ZNF500: variants seen among roughly 807,000 people sequenced by gnomAD.
The protein encoded by ZNF500 is zinc finger protein with KRAB and SCAN domains 18.
In ZNF500, 31 loss-of-function variants were observed where a neutral mutation model predicts 30.1. The observed-to-expected ratio is 1.03, with a 90% CI of 0.77 to 1.39. The LOEUF is 1.39. Ranked by LOEUF, ZNF500 falls within the 40% of genes most tolerant of loss-of-function variation. The probability of loss-of-function intolerance (pLI) is 0.00; values close to 1 mark genes in which losing one functional copy is unlikely to be tolerated. For missense variants in ZNF500, 817 were observed against 657.8 expected, an observed-to-expected ratio of 1.24 and a Z score of -2.65; for synonymous variants, 392 against 282.0, an observed-to-expected ratio of 1.39 and a Z score of -3.91.
At position 4,752,623 on chromosome 16, in the gene ZNF500, T is replaced by C. The variant is rs2082094296; in HGVS notation, c.1196A>G (p.His399Arg). 2 of 1,608,934 alleles carry C rather than the reference T, an allele frequency of 1.2e-6. No homozygotes were observed. The highest frequency in any genetic ancestry group is 1.7e-6 in the Non-Finnish European group (2 of 1,177,792). The change falls in exon 6 of 6, where the codon CAC becomes CGC. Residue 399 changes from histidine to arginine, a missense_variant. His to Arg is a conservative substitution (Grantham distance 29). Coordinates refer to ENST00000219478, the MANE Select transcript of ZNF500 (RefSeq NM_021646.4). Reference sequence around the variant, plus strand: ...CCGCTCCCCGCTGTGTGTCCTGCGGTGGATGACCAGGCTGGAGCTCTGGCT... The same window carrying C: ...CCGCTCCCCGCTGTGTGTCCTGCGGCGGATGACCAGGCTGGAGCTCTGGCT... ...RFSQSSSLVIHRRTHSGERPY... is the reference protein window; with the variant it reads ...RFSQSSSLVIRRRTHSGERPY...
chr16:4,746,725 T>C (rs1422489305), downstream of ZNF500: 4 of 788,248 alleles, frequency 5.1e-6, no homozygotes, highest in African/African-American at 1.8e-5. Context: ...CTGGGCTCTA[T>C]GCAATAGAGC....
rs2142219030 is a variant in ZNF500 at position 4,749,176 on chromosome 16, T to C, written c.*3200A>G. On this transcript the variant is annotated 3_prime_UTR_variant, in exon 6 of 6. Transcript: ENST00000219478. ...TCTCCCACCTACAGAGACCCTCCCC[T>C]GCCCCCTCCACTCCGGGGCCTGTGC... The C allele has an allele frequency of 6.5e-6, 1 of 154,486 alleles. No homozygotes were observed. 9.6% of individuals were successfully genotyped at this position (154,486 alleles called of 1,614,324 possible). A position where few individuals can be genotyped will look rare whatever the true frequency, so the allele number is the denominator to read the frequency against.
At chr16:4,761,526 CAT>C (rs1319023517) in intron 4 of ZNF500, among the ~76,000 whole-genome samples, 27 of 82,846 alleles carry the variant, frequency 3.3e-4, no homozygotes, top group East Asian at 1.7e-3. Context: ...CACACACACA[CAT>C]ATAAAAATTA....
In ZNF500 at chr16:4,751,323, C is replaced by G; in HGVS notation, c.*1053G>C. On this transcript the variant is annotated 3_prime_UTR_variant, in exon 6 of 6. Transcript: ENST00000219478. ...CCTTAGAAAGACAAAGTGGGGCAACCGTGGAAGGCCACATTCCAGACACTA... is the reference window on the plus strand; with the variant it reads ...CCTTAGAAAGACAAAGTGGGGCAACGGTGGAAGGCCACATTCCAGACACTA... 2 of 467,374 alleles carry G rather than the reference C, an allele frequency of 4.3e-6. No homozygotes were observed. Among genetic ancestry groups the G allele is most frequent in the South Asian group, 5.4e-5 (2 of 37,366 alleles). The allele number at this position is 467,374 out of a possible 1,614,324, so 29.0% of individuals were successfully genotyped here.
Position 4,751,924 on chromosome 16 carries a change from G to C in ZNF500, c.*452C>G. ...CCCCGTCTCAAAAAAAAAAGGGGGG[G>C]GGAGCAGGTGGGGGGTACACACAGA... On this transcript the variant is annotated 3_prime_UTR_variant, in exon 6 of 6. Coordinates refer to ENST00000219478, the MANE Select transcript of ZNF500 (RefSeq NM_021646.4). 2.9e-6 allele frequency: 1 copy of C among 342,108 alleles called. No homozygotes were observed. The allele number at this position is 342,108 out of a possible 1,614,324, so 21.2% of individuals were successfully genotyped here.
At position 4,762,431 on chromosome 16, in the gene ZNF500, C is replaced by T; in HGVS notation, c.599-96G>A. 7.2e-6 allele frequency: 11 copies of T among 1,522,316 alleles called. No homozygotes were observed. The Admixed American group carries it at 1.8e-4, about 25-fold the overall frequency. The allele number at this position is 1,522,316 out of a possible 1,614,324, so 94.3% of individuals were successfully genotyped here. Reference sequence around the variant, plus strand: ...AAGGCCCCAACAGCCCGGCGGCTGCCCACCCAAGATCCACTCCTTGCTGGA... The same window carrying T: ...AAGGCCCCAACAGCCCGGCGGCTGCTCACCCAAGATCCACTCCTTGCTGGA... On this transcript the variant is annotated intron_variant, in intron 3 of 5. Coordinates refer to ENST00000219478, the MANE Select transcript of ZNF500 (RefSeq NM_021646.4).
At chr16:4,763,914 C>G in intron 2 of ZNF500, 1 of 985,446 alleles carries the variant, frequency 1.0e-6, no homozygotes, top group Non-Finnish European at 1.2e-6. Flanking sequence ...AGCACTGCCA[C>G]AGGAAGAAAG....
At chr16:4,753,453 C>T (rs966652568) in intron 5 of ZNF500, among the ~76,000 whole-genome samples, 13 of 152,290 alleles carry the variant, frequency 8.5e-5, no homozygotes, top group African/African-American at 2.9e-4. Flanking sequence ...CGGCATGAGA[C>T]CCTGTTTCAA....
In ZNF500 at chr16:4,764,138, G is replaced by C. The variant is rs79126145; in HGVS notation, c.415-1382C>G. The C allele has an allele frequency of 1.8e-3, 1,736 of 975,298 alleles. 25 individuals carry two copies. In the African/African-American group the frequency reaches 0.028, roughly 16 times the overall value. The allele number at this position is 975,298 out of a possible 1,614,324, so 60.4% of individuals were successfully genotyped here. A position where few individuals can be genotyped will look rare whatever the true frequency, so the allele number is the denominator to read the frequency against. ...ATAGAGATTTCGGTGTGTCAGAAGG[G>C]TCCTGTCTGTGCCATCCAGTACAGT... On this transcript the variant is annotated intron_variant, in intron 2 of 5. Transcript: ENST00000219478.
At chr16:4,745,536 T>C (rs1009881829), downstream of ZNF500, among the ~76,000 whole-genome samples, 1 of 152,200 alleles carries the variant, frequency 6.6e-6, no homozygotes, top group Admixed American at 6.5e-5. Flanking sequence ...GGCCCCTCTA[T>C]ATGCCTGCCC....
chr16:4,751,707 C>T lies in ZNF500; in HGVS notation c.*669G>A. ...ATGATATAATTAGTTAAGATGAGGT[C>T]ACAGTGTATTGGGGGACCCTAAACC... On this transcript the variant is annotated 3_prime_UTR_variant, in exon 6 of 6. Transcript: ENST00000219478. 6.8e-7 allele frequency: 1 copy of T among 1,466,020 alleles called. No individual in the cohort carries two copies. The highest frequency in any genetic ancestry group is 1.8e-4 in the Middle Eastern group (1 of 5,410). 90.8% of individuals were successfully genotyped at this position (1,466,020 alleles called of 1,614,324 possible). A position where few individuals can be genotyped will look rare whatever the true frequency, so the allele number is the denominator to read the frequency against.
At chr16:4,754,418 G>A (rs559952197) in intron 5 of ZNF500, among the ~76,000 whole-genome samples, 4 of 152,202 alleles carry the variant, frequency 2.6e-5, no homozygotes, top group Middle Eastern at 6.8e-3. Flanking sequence ...CAAGCACTTT[G>A]GGAGGCCGAG....
chr16:4,751,408 C>G lies in ZNF500; in HGVS notation c.*968G>C. The G allele has an allele frequency of 1.6e-6, 1 of 644,216 alleles. No homozygotes were observed. The highest frequency in any genetic ancestry group is 3.1e-5 in the Admixed American group (1 of 32,078). The allele number at this position is 644,216 out of a possible 1,614,324, so 39.9% of individuals were successfully genotyped here. On this transcript the variant is annotated 3_prime_UTR_variant, in exon 6 of 6. Coordinates refer to ENST00000219478, the MANE Select transcript of ZNF500 (RefSeq NM_021646.4). Reference sequence around the variant, plus strand: ...CCCTGGGGAGATGTCAGGCCCGTCACATCCCAGGCAACATGTCAGGAAGAT... The same window carrying G: ...CCCTGGGGAGATGTCAGGCCCGTCAGATCCCAGGCAACATGTCAGGAAGAT...
In ZNF500 at chr16:4,752,597, G is replaced by A; in HGVS notation, c.1222C>T (p.Pro408Ser). 2 of 1,593,706 alleles carry A rather than the reference G, an allele frequency of 1.3e-6. No individual in the cohort carries two copies. The highest frequency in any genetic ancestry group is 1.7e-6 in the Non-Finnish European group (2 of 1,170,680). The part of the protein sequence containing the change: ...IHRRTHSGER[P>S]YACTQCGKRF... ...TTCCCGCACTGGGTGCAGGCATAGG[G>A]CCGCTCCCCGCTGTGTGTCCTGCGG... Residue 408 changes from proline (P) to serine (S), a missense_variant, in exon 6 of 6, where the codon CCC becomes TCC. Pro to Ser is a moderately conservative substitution (Grantham distance 74, BLOSUM62 -1). Transcript: ENST00000219478.
intron 5 of ZNF500, 95 bp from the exon 6 acceptor site, chr16:4,753,153 G>T: frequency 2.1e-6 from 3 of 1,459,082 alleles, no homozygotes; most frequent in Non-Finnish European, 2.7e-6. Flanking sequence ...GGGCTCCTAA[G>T]GTTCCCCTAC....
Position 4,765,670 on chromosome 16 carries a change from C to A in ZNF500, c.309G>T (p.Pro103=), listed in dbSNP as rs752571587. 5 of 1,613,582 alleles carry A rather than the reference C, an allele frequency of 3.1e-6. No homozygotes were observed. The highest frequency in any genetic ancestry group is 4.2e-6 in the Non-Finnish European group (5 of 1,179,996). Residue 103 remains proline (P), a synonymous_variant, in exon 2 of 6, where the codon CCG becomes CCT. Coordinates refer to ENST00000219478, the MANE Select transcript of ZNF500 (RefSeq NM_021646.4). ...CGCGTACCCGAGCCTGGATCTCCCC[C>A]GGCAGCACAGTCAGGAACTGCTCCA... ...LVLEQFLTVL[P]GEIQARVREQ...
chr16:4,755,088 A>G (rs185921852), intron 5 of ZNF500, among the ~76,000 whole-genome samples: 2 of 152,228 alleles, frequency 1.3e-5, no homozygotes. Flanking sequence ...AGACACCAGC[A>G]TCATGCTTTC....
downstream of ZNF500, chr16:4,746,178 T>C (rs2082015216): frequency 7.4e-6 from 4 of 544,074 alleles, no homozygotes; most frequent in Non-Finnish European, 1.3e-5. Flanking sequence ...ATGAGGGACG[T>C]TCTGTTGGCC....
Position 4,752,282 on chromosome 16 carries a change from A to G in ZNF500, c.*94T>C, listed in dbSNP as rs994084825. The G allele has an allele frequency of 3.5e-6, 5 of 1,429,706 alleles. No individual in the cohort carries two copies. Among genetic ancestry groups the G allele is most frequent in the Admixed American group, 2.9e-5 (1 of 34,882 alleles). 88.6% of individuals were successfully genotyped at this position (1,429,706 alleles called of 1,614,324 possible). ...TACTGGGCCATGGGAGGAAACGGGC[A>G]GCTGGCAATGCTTTCGGACCAGGCT... On this transcript the variant is annotated 3_prime_UTR_variant, in exon 6 of 6. Coordinates refer to ENST00000219478, the MANE Select transcript of ZNF500 (RefSeq NM_021646.4).
Sources: allele counts gnomAD v4.1 joint callset (sites outside exome capture counted in the v4.1 genomes callset), GRCh38; gene constraint gnomAD v4.1.1; transcripts MANE v1.5; gene names NCBI Gene and HGNC (gene_info 2026-07-23, HGNC 2026-07-21).